Variants in WDFY3 observed in about 807,000 individuals in gnomAD.
WDFY3 encodes the protein WD repeat and FYVE domain-containing protein 3.
WDFY3 carries 66 observed loss-of-function variants against 409.6 expected under a neutral mutation model. That is an observed-to-expected ratio of 0.16 (90% confidence interval 0.13 to 0.20). WDFY3 has a LOEUF of 0.20. WDFY3 is among the 10% of genes least tolerant of loss of function. The pLI, the probability that WDFY3 is intolerant of heterozygous loss-of-function variation, is 1.00. For synonymous variants in WDFY3, 1,521 were observed against 1,537.1 expected (o/e 0.99, Z 0.25); for missense variants, 3,031 against 4,298.1 (o/e 0.71, Z 8.24).
intron 3 of WDFY3, among the ~76,000 whole-genome samples, chr4:84,888,441 GATA>G (rs201182650): frequency 0.011 from 1,707 of 152,086 alleles, 27 homozygotes; most frequent in African/African-American, 0.039. Context: ...GAGAAAATGA[GATA>G]ATAACTTTAG....
rs780343893 is a variant in WDFY3, at chr4:84,774,890, T to C, written c.4684A>G (p.Thr1562Ala). ...TLRDMSLSQP[T>A]IAAISNVLSF... is the part of the protein sequence containing the mutation. ...AGGACATTACTAATAGCAGCAATAG[T>C]AGGCTGGGATAAAGACATATCTCGA... Residue 1562 changes from threonine (T) to alanine (A), a missense_variant, in exon 29 of 68, where the codon ACT (threonine) becomes GCT (alanine). Around this residue, in one of 16 missense-constraint regions of WDFY3, gnomAD observed 342 missense variants for 463.7 expected, o/e 0.74. Transcript: ENST00000295888. 8 of 1,613,982 alleles carry C rather than the reference T, an allele frequency of 5.0e-6. No individual in the cohort carries two copies. The highest frequency in any genetic ancestry group is 6.8e-6 in the Non-Finnish European group (8 of 1,179,920).
chr4:84,789,731 C>G lies in WDFY3; in HGVS notation c.3664G>C (p.Val1222Leu), dbSNP rs950250816. 2 of 1,613,534 alleles carry G rather than the reference C, an allele frequency of 1.2e-6. No homozygotes were observed. Among genetic ancestry groups the G allele is most frequent in the African/African-American group, 2.7e-5 (2 of 74,834 alleles). Reference sequence around the variant, plus strand: ...ACAAGTGCACATACACTTACCTTTACAGTGTTAACAAGCTGTCCATCAATA... The same window carrying G: ...ACAAGTGCACATACACTTACCTTTAGAGTGTTAACAAGCTGTCCATCAATA... ...LYIDGQLVNT[V>L]KLHYVHSTPG... is the part of the protein sequence containing the mutation. The change falls in exon 22 of 68, where the codon GTA (valine) becomes CTA (leucine). Residue 1222 changes from valine (V) to leucine (L), a missense_variant. Physicochemically the swap from Val to Leu is conservative, Grantham distance 32. This residue lies in a region of WDFY3 where 1,322 missense variants were observed against 1,697.9 expected (regional missense o/e 0.78). Coordinates refer to ENST00000295888, the MANE Select transcript of WDFY3 (RefSeq NM_014991.6).
At chr4:84,719,944 G>C (rs1214232696) in intron 47 of WDFY3, among the ~76,000 whole-genome samples, 1 of 152,144 alleles carries the variant, frequency 6.6e-6, no homozygotes, top group Non-Finnish European at 1.5e-5. Context: ...CAAATTTCTA[G>C]TGACTACTTC....
chr4:84,790,947 A>T (rs1431999188), intron 21 of WDFY3, among the ~76,000 whole-genome samples: 2 of 152,176 alleles, frequency 1.3e-5, no homozygotes, highest in Non-Finnish European at 2.9e-5. Flanking sequence ...TCAAAAAAAA[A>T]AAGTGTTGAC....
At chr4:84,859,273 T>C (rs1474823202) in intron 4 of WDFY3, among the ~76,000 whole-genome samples, 1 of 152,132 alleles carries the variant, frequency 6.6e-6, no homozygotes, top group Non-Finnish European at 1.5e-5. Context: ...TGAATACTGC[T>C]TACACAAGTA....
chr4:84,797,705 C>T (rs1230039387), intron 18 of WDFY3, among the ~76,000 whole-genome samples: 2 of 151,832 alleles, frequency 1.3e-5, no homozygotes, highest in Admixed American at 6.6e-5. Flanking sequence ...CTCAGCCTCC[C>T]GAGTAGCTGG....
At chr4:84,690,154 G>A (rs1172419188) in intron 61 of WDFY3, among the ~76,000 whole-genome samples, 1 of 152,000 alleles carries the variant, frequency 6.6e-6, no homozygotes, top group Non-Finnish European at 1.5e-5. Context: ...GCAGATAAAT[G>A]GAAATCACCC....
At chr4:84,921,626 A>T (rs1222678606) in intron 2 of WDFY3, among the ~76,000 whole-genome samples, 1 of 148,396 alleles carries the variant, frequency 6.7e-6, no homozygotes, top group Non-Finnish European at 1.5e-5. Context: ...CAAATATGGA[A>T]CCAAGTCTCT....
chr4:84,965,784 C>A lies in WDFY3; in HGVS notation c.-226+425G>T, dbSNP rs1014816477. ...CCGGGAGCTGAGACCCCGCAGGATG[C>A]AGCGGGGGGGGGCCAGGGCCTGATC... is the stretch of plus-strand genomic sequence containing the variant. On this transcript the variant is annotated intron_variant, in intron 1 of 67. Transcript: ENST00000295888. The A allele has an allele frequency of 6.2e-5, 8 of 128,686 alleles. No individual in the cohort carries two copies. The Admixed American group carries it at 6.7e-4, about 11-fold the overall frequency. The allele number at this position is 128,686 out of a possible 1,614,324, so 8.0% of individuals were successfully genotyped here.
At chr4:84,915,533 C>T (rs1768367521) in intron 2 of WDFY3, among the ~76,000 whole-genome samples, 1 of 152,066 alleles carries the variant, frequency 6.6e-6, no homozygotes, top group Non-Finnish European at 1.5e-5. Flanking sequence ...ATAAATGAAC[C>T]CCAAAGGATT....
In WDFY3 at chr4:84,678,901, T is replaced by C. The variant is rs1726826395; in HGVS notation, c.10147+18A>G. The C allele has an allele frequency of 6.3e-7, 1 of 1,599,494 alleles. No individual in the cohort carries two copies. The highest frequency in any genetic ancestry group is 1.3e-5 in the African/African-American group (1 of 74,636). On this transcript the variant is annotated intron_variant, in intron 65 of 67. Coordinates refer to ENST00000295888, the MANE Select transcript of WDFY3 (RefSeq NM_014991.6). ...CCACATATAAGGAGTGAGAAATAGA[T>C]ACCAGACTTCAAGTTACCAGGTTTC... is the stretch of plus-strand genomic sequence containing the variant.
At chr4:84,754,842 TTATTA>T (rs1194639417) in intron 34 of WDFY3, among the ~76,000 whole-genome samples, 3 of 152,168 alleles carry the variant, frequency 2.0e-5, no homozygotes, top group African/African-American at 7.2e-5. Flanking sequence ...TATGTACTCA[TTATTA>T]TATATTTTAT....
At position 84,786,072 on chromosome 4, in the gene WDFY3, T is replaced by C. The variant is rs774631710; in HGVS notation, c.3969A>G (p.Ser1323=). The C allele has an allele frequency of 3.1e-6, 5 of 1,613,810 alleles. No homozygotes were observed. The highest frequency in any genetic ancestry group is 2.2e-5 in the South Asian group (2 of 91,044). The change falls in exon 24 of 68, where the codon TCA becomes TCG. Residue 1323 remains serine, a synonymous_variant. Coordinates refer to ENST00000295888, the MANE Select transcript of WDFY3 (RefSeq NM_014991.6). ...PVSLVPEEKV[S]FGLYALSVSS... is the part of the protein sequence containing the mutation. ...ACACAGAGAGTGCATAGAGGCCAAA[T>C]GACACTTTCTCCTCTGGTACTAATG...
At chr4:84,756,586 C>CAAATAAAATAAAATAAAATAAAATA (rs143555953) in intron 33 of WDFY3, among the ~76,000 whole-genome samples, 2 of 128,982 alleles carry the variant, frequency 1.6e-5, no homozygotes, top group East Asian at 2.4e-4. Flanking sequence ...CTCTGTCTCA[C>CAAATAAAATAAAATAAAATAAAATA]AAATAAAATA....
intron 30 of WDFY3, 42 bp downstream of exon 30, chr4:84,772,793 T>G: frequency 2.0e-6 from 3 of 1,520,004 alleles, no homozygotes; most frequent in Non-Finnish European, 2.7e-6. Context: ...GGCATAATAT[T>G]TAGTTGACCA....
chr4:84,860,516 T>A lies in WDFY3; in HGVS notation c.76A>T (p.Met26Leu). 2.5e-6 allele frequency: 4 copies of A among 1,614,124 alleles called. No homozygotes were observed. Among genetic ancestry groups the A allele is most frequent in the Non-Finnish European group, 3.4e-6 (4 of 1,179,990 alleles). The change falls in exon 4 of 68, where the codon ATG (methionine) becomes TTG (leucine). Residue 26 changes from methionine (M) to leucine (L), a missense_variant. Met to Leu is a conservative substitution (Grantham distance 15). Transcript: ENST00000295888. Reference sequence around the variant, plus strand: ...TCCGTGAAGAGCCGGCGGAGGTGCATCAGTCCTAAGGCGTTGTCTTGTGGG... The same window carrying A: ...TCCGTGAAGAGCCGGCGGAGGTGCAACAGTCCTAAGGCGTTGTCTTGTGGG... ...CSPQDNALGLMHLRRLFTELC... is the reference protein window; with the variant it reads ...CSPQDNALGLLHLRRLFTELC...
intron 5 of WDFY3, among the ~76,000 whole-genome samples, chr4:84,842,784 A>C (rs1757560078): frequency 6.6e-6 from 1 of 152,234 alleles, no homozygotes; most frequent in Non-Finnish European, 1.5e-5. Flanking sequence ...CCGTCTCAAA[A>C]ACAAAACAAA....
At chr4:84,766,896 G>T (rs1743748375) in intron 30 of WDFY3, among the ~76,000 whole-genome samples, 1 of 152,204 alleles carries the variant, frequency 6.6e-6, no homozygotes, top group Admixed American at 6.5e-5. Context: ...AAGAAACGAA[G>T]AAATGGAGCT....
At chr4:84,888,609 G>A (rs1053421862) in intron 3 of WDFY3, among the ~76,000 whole-genome samples, 6 of 152,062 alleles carry the variant, frequency 3.9e-5, no homozygotes, top group Admixed American at 6.6e-5. Context: ...CCACTAAAAT[G>A]TAAATGCAAA....
Sources: allele counts gnomAD v4.1 joint callset (sites outside exome capture counted in the v4.1 genomes callset), GRCh38; gene constraint gnomAD v4.1.1; regional missense constraint gnomAD v4.1.1; transcripts MANE v1.5; gene names NCBI Gene and HGNC (gene_info 2026-07-23, HGNC 2026-07-21).